Variants in DTD1 observed in about 807,000 individuals in gnomAD.
The protein encoded by DTD1 is D-aminoacyl-tRNA deacylase 1, also known as D-tyrosyl-tRNA deacylase 1 homolog.
DTD1 carries 13 observed loss-of-function variants against 25.6 expected under a neutral mutation model. The ratio of observed to expected loss-of-function variants is 0.51; its 90% CI spans 0.33 to 0.81. The LOEUF (loss-of-function observed/expected upper bound fraction) is 0.81, where lower values mean the gene tolerates loss of function less well. DTD1 is among the 30% of genes least tolerant of loss of function. DTD1 has a pLI of 0.02. For synonymous variants in DTD1, 110 were observed against 103.6 expected (o/e 1.06, Z -0.37); for missense variants, 193 against 266.4 (o/e 0.72, Z 1.92).
At chr20:18,616,150 AG>A (rs2060708069) in intron 3 of DTD1, among the ~76,000 whole-genome samples, 1 of 152,204 alleles carries the variant, frequency 6.6e-6, no homozygotes, top group Non-Finnish European at 1.5e-5. Flanking sequence ...ACTGTGGTAC[AG>A]GCTGTTGCTC....
intron 4 of DTD1, among the ~76,000 whole-genome samples, chr20:18,726,821 C>A (rs930522427): frequency 6.6e-6 from 1 of 152,322 alleles, no homozygotes; most frequent in Non-Finnish European, 1.5e-5. Flanking sequence ...TGCTCACAGT[C>A]CAGACCCAGG....
chr20:18,665,529 G>T (rs1053172612), intron 4 of DTD1, among the ~76,000 whole-genome samples: 2 of 152,254 alleles, frequency 1.3e-5, no homozygotes, highest in East Asian at 3.9e-4. Context: ...AAGAGTGTGG[G>T]TTACTCAACT....
chr20:18,687,248 C>G (rs1216231192), intron 4 of DTD1, among the ~76,000 whole-genome samples: 2 of 152,152 alleles, frequency 1.3e-5, no homozygotes, highest in African/African-American at 4.8e-5. Context: ...CCAGAGAGGG[C>G]CAGTGCTGGG....
intron 4 of DTD1, chr20:18,692,034 A>G (rs1279512354): frequency 6.6e-6 from 1 of 152,198 alleles, no homozygotes; most frequent in Admixed American, 6.5e-5. Context: ...AAAGGAAAAA[A>G]AAATTAGCAC....
At chr20:18,727,595 T>C (rs541671714) in intron 4 of DTD1, among the ~76,000 whole-genome samples, 2 of 152,250 alleles carry the variant, frequency 1.3e-5, no homozygotes, top group South Asian at 2.1e-4. Context: ...ACATGTGAAG[T>C]GCACAGTTCA....
intron 4 of DTD1, among the ~76,000 whole-genome samples, chr20:18,696,833 C>T (rs568294530): frequency 8.6e-5 from 13 of 151,858 alleles, no homozygotes; most frequent in Non-Finnish European, 1.9e-4. Context: ...GGATTACAGG[C>T]GTGAGCCACT....
At chr20:18,631,510 G>T in intron 4 of DTD1, 1 of 985,462 alleles carries the variant, frequency 1.0e-6, no homozygotes, top group Non-Finnish European at 1.2e-6. Context: ...ATGCCCAAAT[G>T]TCTCCAATTG....
At chr20:18,663,348 G>GT (rs2060918795) in intron 4 of DTD1, among the ~76,000 whole-genome samples, 1 of 151,010 alleles carries the variant, frequency 6.6e-6, no homozygotes, top group Non-Finnish European at 1.5e-5. Context: ...GCGAGACTCT[G>GT]TATCTATAAA....
chr20:18,601,253 G>A (rs554453420), intron 3 of DTD1, among the ~76,000 whole-genome samples: 71 of 152,064 alleles, frequency 4.7e-4, no homozygotes, highest in African/African-American at 1.5e-3. Context: ...TAATCCCAGC[G>A]CTTTGGGAAG....
At chr20:18,704,201 C>T (rs551993529) in intron 4 of DTD1, among the ~76,000 whole-genome samples, 34 of 152,180 alleles carry the variant, frequency 2.2e-4, no homozygotes, top group Middle Eastern at 6.8e-3. Context: ...GGGGTTTCAC[C>T]ATGTTAGCCA....
Position 18,668,643 on chromosome 20 carries a change from G to A in DTD1, c.477+40410G>A, listed in dbSNP as rs115528473. Reference sequence around the variant, plus strand: ...GTCAGGGGATAGAGACTGAGCCCCCGAGTCATTACTGTGAGGTGTTTTCTT... The same window carrying A: ...GTCAGGGGATAGAGACTGAGCCCCCAAGTCATTACTGTGAGGTGTTTTCTT... On this transcript the variant is annotated intron_variant, in intron 4 of 5. Transcript: ENST00000377452. Among the ~76,000 whole-genome samples the A allele has an allele frequency of 9.0e-3, 1,370 of 152,242 alleles. 25 individuals carry two copies. The highest frequency in any genetic ancestry group is 0.031 in the African/African-American group (1,307 of 41,546).
intron 5 of DTD1, among the ~76,000 whole-genome samples, chr20:18,756,162 G>A (rs1372447815): frequency 6.6e-6 from 1 of 152,154 alleles, no homozygotes; most frequent in East Asian, 1.9e-4. Flanking sequence ...TGTAGATTCT[G>A]GATATTAGCC....
intron 4 of DTD1, among the ~76,000 whole-genome samples, chr20:18,684,743 A>T (rs1385216268): frequency 6.6e-6 from 1 of 152,134 alleles, no homozygotes; most frequent in Non-Finnish European, 1.5e-5. Flanking sequence ...GTTCAAGAAA[A>T]GTCTTTAATT....
intron 4 of DTD1, among the ~76,000 whole-genome samples, chr20:18,659,451 A>AT (rs2060901446): frequency 1.3e-5 from 2 of 152,194 alleles, no homozygotes; most frequent in Non-Finnish European, 2.9e-5. Flanking sequence ...CTCTTTTGTC[A>AT]TATCAACTTA....
intron 4 of DTD1, among the ~76,000 whole-genome samples, chr20:18,705,013 T>C (rs2061120686): frequency 6.6e-6 from 1 of 152,196 alleles, no homozygotes; most frequent in African/African-American, 2.4e-5. Flanking sequence ...CCACAAGTGC[T>C]AAACTGAAAT....
At chr20:18,652,603 T>G (rs1017365541) in intron 4 of DTD1, among the ~76,000 whole-genome samples, 2 of 152,230 alleles carry the variant, frequency 1.3e-5, no homozygotes, top group African/African-American at 4.8e-5. Context: ...CTGGGCTGCC[T>G]TGTCCTGTGT....
At chr20:18,689,666 T>C (rs2061033972) in intron 4 of DTD1, among the ~76,000 whole-genome samples, 1 of 152,144 alleles carries the variant, frequency 6.6e-6, no homozygotes, top group Non-Finnish European at 1.5e-5. Flanking sequence ...AATGACTTTA[T>C]TATTTGTTTT....
intron 4 of DTD1, among the ~76,000 whole-genome samples, chr20:18,636,679 C>A (rs2060808762): frequency 6.6e-6 from 1 of 152,148 alleles, no homozygotes; most frequent in African/African-American, 2.4e-5. Flanking sequence ...CTGGCCTGAG[C>A]TTATCCCACA....
intron 4 of DTD1, among the ~76,000 whole-genome samples, chr20:18,700,419 G>A (rs6081309): frequency 0.36 from 54,915 of 151,464 alleles, 10,250 homozygotes; most frequent in Non-Finnish European, 0.41. Flanking sequence ...ATTCAAAGAC[G>A]GAAGATTATT....
Sources: allele counts gnomAD v4.1 joint callset (sites outside exome capture counted in the v4.1 genomes callset), GRCh38; gene constraint gnomAD v4.1.1; transcripts MANE v1.5; gene names NCBI Gene and HGNC (gene_info 2026-07-23, HGNC 2026-07-21).